The following SH3BP1 variants were observed in gnomAD, a reference collection of about 807,000 sequenced individuals.
The protein encoded by SH3BP1 is SH3 domain binding protein 1.
A neutral mutation model predicts 69.8 loss-of-function variants in SH3BP1; 46 were observed. The ratio of observed to expected loss-of-function variants is 0.66; its 90% CI spans 0.52 to 0.84. SH3BP1 has a LOEUF of 0.84. SH3BP1 is among the 40% of genes least tolerant of loss of function. The probability of loss-of-function intolerance (pLI) is 0.00; values close to 1 mark genes in which losing one functional copy is unlikely to be tolerated. For synonymous variants in SH3BP1, 403 were observed against 378.0 expected, an observed-to-expected ratio of 1.07 and a Z score of -0.77; for missense variants, 868 against 930.9, an observed-to-expected ratio of 0.93 and a Z score of 0.88.
chr22:37,643,727 A>G lies in SH3BP1; in HGVS notation c.557A>G (p.Asn186Ser). The change falls in exon 7 of 18, where the codon AAC (asparagine) becomes AGC (serine). Residue 186 changes from asparagine to serine, a missense_variant. By Grantham distance (46) the Asn-to-Ser change is conservative. Around this residue, in one of 3 missense-constraint regions of SH3BP1, gnomAD observed 387 missense variants for 447.9 expected, o/e 0.86. Coordinates refer to ENST00000649765, the MANE Select transcript of SH3BP1 (RefSeq NM_018957.6). ...AGTCACAGCCATACGACCATGGCCA[A>G]CAAGGTGGAGACGCTGAAGGAGGAG... ...PGSHSHTTMA[N>S]KVETLKEEEE... is the part of the protein sequence containing the mutation. 6.2e-7 allele frequency: 1 copy of G among 1,614,054 alleles called. No homozygotes were observed. The highest frequency in any genetic ancestry group is 8.5e-7 in the Non-Finnish European group (1 of 1,180,026).
chr22:37,648,667 G>A, intron 14 of SH3BP1: 1 of 473,442 alleles, frequency 2.1e-6, no homozygotes, highest in Admixed American at 3.5e-5. Context: ...GTGTTTAGTG[G>A]CATGGGGGAG....
chr22:37,655,453 C>T lies in SH3BP1; in HGVS notation c.1875C>T (p.Pro625=), dbSNP rs116216235. ...RAPTVPPPLP[P]TPPQPARRQS... ...CCACAGTGCCACCCCCGTTACCCCC[C>T]ACACCCCCTCAGCCTGCCCGGCGCC... Residue 625 remains proline (P), a synonymous_variant, in exon 18 of 18, where the codon CCC becomes CCT. Transcript: ENST00000649765. The T allele has an allele frequency of 9.0e-3, 11,808 of 1,317,172 alleles. 1,125 individuals are homozygous for T. The African/African-American group carries it at 0.17, about 19-fold the overall frequency. 81.6% of individuals were successfully genotyped at this position (1,317,172 alleles called of 1,614,324 possible).
At chr22:37,644,507 G>A (rs2146051162) in intron 7 of SH3BP1, 130 bp from the exon 8 acceptor site, 2 of 884,218 alleles carry the variant, frequency 2.3e-6, no homozygotes, top group Non-Finnish European at 3.7e-6. Context: ...GGCAGAGAGA[G>A]GAGCCTGGCT....
At chr22:37,646,416 C>T (rs1932786780) in intron 10 of SH3BP1, among the ~76,000 whole-genome samples, 3 of 151,972 alleles carry the variant, frequency 2.0e-5, no homozygotes, top group Admixed American at 2.0e-4. Flanking sequence ...CCACCATGCC[C>T]AGCTAATTTT....
At chr22:37,641,244 G>T (rs1441790809) in intron 2 of SH3BP1, 76 bp downstream of exon 2, 1 of 1,516,834 alleles carries the variant, frequency 6.6e-7, no homozygotes, top group Non-Finnish European at 9.0e-7. Flanking sequence ...GGGCGGGGAC[G>T]CCAGGTAGGG....
Position 37,641,414 on chromosome 22 carries a change from A to G in SH3BP1, c.143A>G (p.Asn48Ser). The change falls in exon 3 of 18, where the codon AAC becomes AGC. Residue 48 changes from asparagine to serine, a missense_variant. By Grantham distance (46) the Asn-to-Ser change is conservative (BLOSUM62 1). Around this residue, in one of 3 missense-constraint regions of SH3BP1, gnomAD observed 387 missense variants for 447.9 expected, o/e 0.86. Transcript: ENST00000649765. ...RLEPAKRAAH[N>S]IHKRLQACLQ... ...GAGCCGGCCAAGCGGGCAGCCCACA[A>G]CATCCACAAGCGGCTGCAGGCCTGT... is the stretch of plus-strand genomic sequence containing the variant. 1 of 1,551,004 alleles carries G rather than the reference A, an allele frequency of 6.4e-7. No homozygotes were observed. Among genetic ancestry groups the G allele is most frequent in the African/African-American group, 1.4e-5 (1 of 73,200 alleles).
Position 37,642,953 on chromosome 22 carries a change from T to C in SH3BP1, c.343T>C (p.Phe115Leu). 1 of 1,612,690 alleles carries C rather than the reference T, an allele frequency of 6.2e-7. No homozygotes were observed. Residue 115 changes from phenylalanine (F) to leucine (L), a missense_variant, in exon 5 of 18, where the codon TTT becomes CTT. Coordinates refer to ENST00000649765, the MANE Select transcript of SH3BP1 (RefSeq NM_018957.6). ...TCAGCTGGCCCGCATCCTGGCCGAG[T>C]TTGAGATGACCCTGGAGAGGGACGT... ...QNQLARILAE[F>L]EMTLERDVLQ...
rs146238785 is a variant in SH3BP1, at chr22:37,653,947, C to T, written c.1693+74C>T. 1,256 of 1,141,860 alleles carry T rather than the reference C, an allele frequency of 1.1e-3. 15 individuals carry two copies. The African/African-American group carries it at 0.018, about 16-fold the overall frequency. 70.7% of individuals were successfully genotyped at this position (1,141,860 alleles called of 1,614,324 possible). ...AGGGGACAGGCAGTCCCAGGTCCTC[C>T]TATCTTTTTAGGCAGCCAGGGGAGG... On this transcript the variant is annotated intron_variant, in intron 17 of 17. Coordinates refer to ENST00000649765, the MANE Select transcript of SH3BP1 (RefSeq NM_018957.6).
At chr22:37,653,743 G>A in intron 16 of SH3BP1, 36 bp from the exon 17 acceptor site, 2 of 1,472,640 alleles carry the variant, frequency 1.4e-6, no homozygotes, top group South Asian at 1.2e-5. Flanking sequence ...TCTGGGAGGT[G>A]GCTAAGTCTG....
chr22:37,643,947 T>C (rs549091331), intron 7 of SH3BP1, among the ~76,000 whole-genome samples, 159 bp downstream of exon 7: 1 of 152,338 alleles, frequency 6.6e-6, no homozygotes, highest in African/African-American at 2.4e-5. Context: ...CGTAGCCTCT[T>C]CTGTCTGTAC....
rs1376407656 is a variant in SH3BP1 at position 37,644,690 on chromosome 22, C to T, written c.672C>T (p.Ala224=). 1.2e-6 allele frequency: 2 copies of T among 1,614,106 alleles called. No individual in the cohort carries two copies. Among genetic ancestry groups the T allele is most frequent in the East Asian group, 2.2e-5 (1 of 44,904 alleles). Residue 224 remains alanine, a synonymous_variant, in exon 8 of 18, where the codon GCC becomes GCT. Coordinates refer to ENST00000649765, the MANE Select transcript of SH3BP1 (RefSeq NM_018957.6). ...YHFVTKEDSY[A]NYFIRLLEIQ... ...TTGTTACCAAGGAGGACTCCTATGC[C>T]AACTACTTCATTCGTGTGAGTCCAA... is the stretch of plus-strand genomic sequence containing the variant.
chr22:37,647,821 G>A (rs1339116470), intron 13 of SH3BP1, among the ~76,000 whole-genome samples: 8 of 151,984 alleles, frequency 5.3e-5, no homozygotes, highest in South Asian at 2.1e-4. Flanking sequence ...GACTACAGGC[G>A]CCTGCCATCA....
intron 17 of SH3BP1, 127 bp from the exon 18 acceptor site, chr22:37,655,145 C>G: frequency 2.9e-6 from 2 of 683,410 alleles, no homozygotes; most frequent in Non-Finnish European, 4.7e-6. Context: ...GAGGAGCCAG[C>G]CGCAGAAACG....
intron 14 of SH3BP1, among the ~76,000 whole-genome samples, chr22:37,649,344 C>T (rs1341774126): frequency 6.6e-6 from 1 of 151,536 alleles, no homozygotes; most frequent in Non-Finnish European, 1.5e-5. Flanking sequence ...AAAAGATTAG[C>T]CAGGCATGGT....
rs1933014630 is a variant in SH3BP1, at chr22:37,655,649, C to T, written c.2071C>T (p.Pro691Ser). 2 of 1,526,192 alleles carry T rather than the reference C, an allele frequency of 1.3e-6. No homozygotes were observed. The highest frequency in any genetic ancestry group is 1.8e-6 in the Non-Finnish European group (2 of 1,137,624). 94.5% of individuals were successfully genotyped at this position (1,526,192 alleles called of 1,614,324 possible). The change falls in exon 18 of 18, where the codon CCC becomes TCC. Residue 691 changes from proline to serine, a missense_variant. Transcript: ENST00000649765. ...CACTCCCCCAGCTATCCCCCCTCAG[C>T]CCCGCCCCAGGAGCCTTGCCTCAGA... is the stretch of plus-strand genomic sequence containing the variant. ...VPTPPAIPPQPRPRSLASETN is the reference protein window; with the variant it reads ...VPTPPAIPPQSRPRSLASETN
rs1371218959 is a variant in SH3BP1, at chr22:37,641,114, C to T, written c.60-12C>T. 1.5e-6 allele frequency: 2 copies of T among 1,358,294 alleles called. No individual in the cohort carries two copies. Among genetic ancestry groups the T allele is most frequent in the Non-Finnish European group, 2.0e-6 (2 of 984,250 alleles). The allele number at this position is 1,358,294 out of a possible 1,614,324, so 84.1% of individuals were successfully genotyped here. On this transcript the variant is annotated splice_polypyrimidine_tract_variant and intron_variant, in intron 1 of 17. Coordinates refer to ENST00000649765, the MANE Select transcript of SH3BP1 (RefSeq NM_018957.6). Reference sequence around the variant, plus strand: ...GAAGCACTCTCCCCCCCCCCCCCACCACTCCCCGCAGCACCCCGGAGACCG... The same window carrying T: ...GAAGCACTCTCCCCCCCCCCCCCACTACTCCCCGCAGCACCCCGGAGACCG...
Position 37,650,180 on chromosome 22 carries a change from G to A in SH3BP1, c.1345G>A (p.Val449Met), listed in dbSNP as rs759221673. 28 of 1,613,938 alleles carry A rather than the reference G, an allele frequency of 1.7e-5. No homozygotes were observed. The highest frequency in any genetic ancestry group is 1.1e-4 in the East Asian group (5 of 44,888). Residue 449 changes from valine to methionine, a missense_variant, in exon 15 of 18, where the codon GTG becomes ATG. This residue lies in a region of SH3BP1 where 474 missense variants were observed against 462.3 expected (regional missense o/e 1.03). Coordinates refer to ENST00000649765, the MANE Select transcript of SH3BP1 (RefSeq NM_018957.6). ...CCAGGCCCAGCTGGATGCAGCCTCCGTGTCTTCCATCCAGGTGGTGGGCGT... is the reference window on the plus strand; with the variant it reads ...CCAGGCCCAGCTGGATGCAGCCTCCATGTCTTCCATCCAGGTGGTGGGCGT... ...GDQAQLDAASVSSIQVVGVVE... is the reference protein window; with the variant it reads ...GDQAQLDAASMSSIQVVGVVE...
At chr22:37,655,118 G>A (rs981213415) in intron 17 of SH3BP1, among the ~76,000 whole-genome samples, 154 bp from the exon 18 acceptor site, 2 of 152,194 alleles carry the variant, frequency 1.3e-5, no homozygotes, top group African/African-American at 4.8e-5. Flanking sequence ...AAGGGCACAA[G>A]GAGAGGCCTA....
rs1167697246 is a variant in SH3BP1 at position 37,646,814 on chromosome 22, C to G, written c.925-4C>G. 8 of 1,520,698 alleles carry G rather than the reference C, an allele frequency of 5.3e-6. No individual in the cohort carries two copies. Among genetic ancestry groups the G allele is most frequent in the African/African-American group, 1.4e-5 (1 of 72,862 alleles). 94.2% of individuals were successfully genotyped at this position (1,520,698 alleles called of 1,614,324 possible). A position where few individuals can be genotyped will look rare whatever the true frequency, so the allele number is the denominator to read the frequency against. ...GACCCTTGCCTGCCTCCTCTCGAAC[C>G]CAGGGTCTCTTCCGTCTGGCTGCTG... On this transcript the variant is annotated splice_polypyrimidine_tract_variant and splice_region_variant and intron_variant, in intron 10 of 17. Transcript: ENST00000649765.
Sources: allele counts gnomAD v4.1 joint callset (sites outside exome capture counted in the v4.1 genomes callset), GRCh38; gene constraint gnomAD v4.1.1; regional missense constraint gnomAD v4.1.1; transcripts MANE v1.5; gene names NCBI Gene and HGNC (gene_info 2026-07-23, HGNC 2026-07-21).